The following PMF1 variants were observed in gnomAD, a reference collection of about 807,000 sequenced individuals.
PMF1 encodes polyamine modulated factor 1.
Under a neutral mutation model 26.7 loss-of-function variants are expected in PMF1, and 21 were observed. The ratio of observed to expected loss-of-function variants is 0.79; its 90% CI spans 0.56 to 1.13. PMF1 has a LOEUF of 1.13. Among genes scored for constraint, PMF1 ranks in the 50% most tolerant of loss-of-function variants. PMF1 has a pLI of 0.00. For missense variants in PMF1, 266 were observed against 254.9 expected, an observed-to-expected ratio of 1.04 and a Z score of -0.30; for synonymous variants, 105 against 101.0, an observed-to-expected ratio of 1.04 and a Z score of -0.24.
chr1:156,215,204 C>A (rs144752152), intron 1 of PMF1, among the ~76,000 whole-genome samples: 4 of 151,852 alleles, frequency 2.6e-5, no homozygotes. Flanking sequence ...AATTACAGAA[C>A]GAATGTATAG....
Position 156,223,143 on chromosome 1 carries a change from A to G in PMF1, c.162-9177A>G, listed in dbSNP as rs1362230670. Reference sequence around the variant, plus strand: ...TCTGAAGGGTGGGCATGAGTCATCAAACTGTGGTGTGTGGCTCCAGGCCTG... The same window carrying G: ...TCTGAAGGGTGGGCATGAGTCATCAGACTGTGGTGTGTGGCTCCAGGCCTG... On this transcript the variant is annotated intron_variant, in intron 1 of 4. Transcript: ENST00000368277. 3.9e-5 allele frequency among the ~76,000 whole-genome samples: 6 copies of G among 152,306 alleles called. No individual in the cohort carries two copies. In the East Asian group the frequency reaches 7.7e-4, roughly 20 times the overall value.
At chr1:156,226,762 C>T (rs1352020446) in intron 1 of PMF1, among the ~76,000 whole-genome samples, 1 of 152,168 alleles carries the variant, frequency 6.6e-6, no homozygotes, top group Non-Finnish European at 1.5e-5. Context: ...AGTCTGAGGT[C>T]ACTAGTTGAT....
chr1:156,228,702 T>C (rs1485402528), intron 1 of PMF1, among the ~76,000 whole-genome samples: 5 of 152,026 alleles, frequency 3.3e-5, no homozygotes, highest in Non-Finnish European at 1.5e-5. Context: ...GAACAGGATC[T>C]CCCATGTCTA....
At chr1:156,221,554 CATT>C (rs1658083290) in intron 1 of PMF1, among the ~76,000 whole-genome samples, 1 of 152,180 alleles carries the variant, frequency 6.6e-6, no homozygotes, top group South Asian at 2.1e-4. Flanking sequence ...TCTTGTTCAT[CATT>C]CTCTATTCTT....
In PMF1 at chr1:156,236,304, C is replaced by T; in HGVS notation, c.385C>T (p.Pro129Ser). 1 of 1,609,676 alleles carries T rather than the reference C, an allele frequency of 6.2e-7. No individual in the cohort carries two copies. Among genetic ancestry groups the T allele is most frequent in the Non-Finnish European group, 8.5e-7 (1 of 1,176,256 alleles). The change falls in exon 4 of 5, where the codon CCA (proline) becomes TCA (serine). Residue 129 changes from proline to serine, a missense_variant. Coordinates refer to ENST00000368277, the MANE Select transcript of PMF1 (RefSeq NM_007221.4). Reference sequence around the variant, plus strand: ...GCCCTCCAGGCGCCCCAGCGGGATCCCAGAGAAGGATCTGCACAGTGTTAT... The same window carrying T: ...GCCCTCCAGGCGCCCCAGCGGGATCTCAGAGAAGGATCTGCACAGTGTTAT... ...KEPAWRPSGIPEKDLHSVMAP... is the reference protein window; with the variant it reads ...KEPAWRPSGISEKDLHSVMAP...
At chr1:156,216,842 C>CGG (rs1225115183) in intron 1 of PMF1, among the ~76,000 whole-genome samples, 7 of 151,854 alleles carry the variant, frequency 4.6e-5, no homozygotes, top group African/African-American at 1.2e-4. Context: ...GCCGGCCGGC[C>CGG]CGCCTCCGCT....
At chr1:156,218,650 C>T (rs1026820138) in intron 1 of PMF1, among the ~76,000 whole-genome samples, 14 of 151,822 alleles carry the variant, frequency 9.2e-5, no homozygotes, top group African/African-American at 1.7e-4. Context: ...GGCATGGTGG[C>T]GCGCACCTGT....
chr1:156,229,069 CA>C (rs1307681255), intron 1 of PMF1, among the ~76,000 whole-genome samples: 1 of 152,048 alleles, frequency 6.6e-6, no homozygotes, highest in African/African-American at 2.4e-5. Context: ...CCACCACGCC[CA>C]GCTAATTTTT....
intron 1 of PMF1, chr1:156,225,558 T>TCTC: frequency 6.5e-7 from 1 of 1,537,818 alleles, no homozygotes; most frequent in Non-Finnish European, 8.8e-7. Context: ...TGTTCTCAGC[T>TCTC]CTCCACTCCT....
At position 156,239,751 on chromosome 1, in the gene PMF1, C is replaced by G. The variant is rs1430396552; in HGVS notation, c.*150C>G. ...AATTTGCTGGAGGACTAGGCCAGAG[C>G]AAGCCTCACTGCCACTGTGCCTTTG... On this transcript the variant is annotated 3_prime_UTR_variant, in exon 5 of 5. Coordinates refer to ENST00000368277, the MANE Select transcript of PMF1 (RefSeq NM_007221.4). 1 of 655,276 alleles carries G rather than the reference C, an allele frequency of 1.5e-6. No individual in the cohort carries two copies. The highest frequency in any genetic ancestry group is 2.7e-5 in the East Asian group (1 of 36,908). 40.6% of individuals were successfully genotyped at this position (655,276 alleles called of 1,614,324 possible). A position where few individuals can be genotyped will look rare whatever the true frequency, so the allele number is the denominator to read the frequency against.
chr1:156,220,461 G>A (rs549933102), intron 1 of PMF1, among the ~76,000 whole-genome samples: 3 of 152,080 alleles, frequency 2.0e-5, no homozygotes, highest in Non-Finnish European at 2.9e-5. Context: ...TGATCCTCCC[G>A]CCTCAGCCTC....
intron 1 of PMF1, among the ~76,000 whole-genome samples, chr1:156,215,117 C>T (rs1657631456): frequency 6.6e-6 from 1 of 152,020 alleles, no homozygotes; most frequent in African/African-American, 2.4e-5. Flanking sequence ...CTCAAGCGAT[C>T]CACTCACCTC....
At chr1:156,227,003 C>T (rs1219983186) in intron 1 of PMF1, among the ~76,000 whole-genome samples, 1 of 152,124 alleles carries the variant, frequency 6.6e-6, no homozygotes, top group Non-Finnish European at 1.5e-5. Context: ...TCCTGGGATC[C>T]TGGGGTCCAG....
intron 1 of PMF1, among the ~76,000 whole-genome samples, chr1:156,225,863 T>C (rs1310437847): frequency 2.6e-5 from 4 of 152,226 alleles, no homozygotes; most frequent in African/African-American, 7.2e-5. Flanking sequence ...TATTTATTTG[T>C]TATTTTTTTG....
At position 156,239,587 on chromosome 1, in the gene PMF1, A is replaced by C. The variant is rs1659231661; in HGVS notation, c.604A>C (p.Arg202=). 1 of 1,612,440 alleles carries C rather than the reference A, an allele frequency of 6.2e-7. No homozygotes were observed. Among genetic ancestry groups the C allele is most frequent in the Non-Finnish European group, 8.5e-7 (1 of 1,179,804 alleles). The change falls in exon 5 of 5, where the codon AGG becomes CGG. Residue 202 remains arginine (R), a synonymous_variant. Coordinates refer to ENST00000368277, the MANE Select transcript of PMF1 (RefSeq NM_007221.4). ...REQRELVAVL[R]EPE ...ACAGAGGGAGCTGGTTGCTGTGCTG[A>C]GGGAGCCTGAGTGAGGAGACCGCCA...
chr1:156,218,824 G>T (rs941146323), intron 1 of PMF1, among the ~76,000 whole-genome samples: 17 of 150,510 alleles, frequency 1.1e-4, no homozygotes, highest in Non-Finnish European at 2.2e-4. Context: ...TGCCTAATCC[G>T]TTTTTTTTTA....
At chr1:156,233,951 C>G (rs566147723) in intron 3 of PMF1, among the ~76,000 whole-genome samples, 18 of 152,058 alleles carry the variant, frequency 1.2e-4, no homozygotes, top group Admixed American at 1.3e-4. Flanking sequence ...AAGACTGACC[C>G]AAGCAGGGAG....
chr1:156,237,277 A>AC (rs1659073579), intron 4 of PMF1: 1 of 95,086 alleles, frequency 1.1e-5, no homozygotes, highest in South Asian at 3.7e-4. Flanking sequence ...GTTGCCTTAC[A>AC]CTACTGTTGA....
At position 156,232,226 on chromosome 1, in the gene PMF1, A is replaced by G. The variant is rs868164116; in HGVS notation, c.162-94A>G. 3.6e-5 allele frequency: 38 copies of G among 1,063,134 alleles called. No homozygotes were observed. In the Middle Eastern group the frequency reaches 2.7e-3, roughly 74 times the overall value. The allele number at this position is 1,063,134 out of a possible 1,614,324, so 65.9% of individuals were successfully genotyped here. On this transcript the variant is annotated intron_variant, in intron 1 of 4. Transcript: ENST00000368277. ...CAGGGCCATGAAGTGGACAGAGCTC[A>G]GAGTCCTGTAATGCGAAGCGGAGGT... is the stretch of plus-strand genomic sequence containing the variant.
Sources: gnomAD v4.1 joint callset for allele counts (sites outside exome capture counted in the v4.1 genomes callset) on GRCh38, gnomAD v4.1.1 for gene constraint, MANE v1.5 for transcripts, NCBI Gene and HGNC (gene_info 2026-07-23, HGNC 2026-07-21) for gene names.